The following GRIA3 variants were observed in gnomAD, a reference collection of about 807,000 sequenced individuals.
GRIA3 encodes the protein glutamate receptor 3.
In GRIA3, 3 loss-of-function variants were observed where a neutral mutation model predicts 63.0. The observed-to-expected ratio is 0.05, with a 90% confidence interval of 0.02 to 0.12. The LOEUF is 0.12. Among genes scored for constraint, GRIA3 ranks in the 10% least tolerant of loss-of-function variants. The probability of loss-of-function intolerance (pLI) is 1.00; values close to 1 mark genes in which losing one functional copy is unlikely to be tolerated. For synonymous variants in GRIA3, 274 were observed against 257.9 expected, an observed-to-expected ratio of 1.06 and a Z score of -0.60; for missense variants, 347 against 700.9, an observed-to-expected ratio of 0.50 and a Z score of 5.70.
chrX:123,215,353 C>T (rs1386044177), intron 2 of GRIA3, among the ~76,000 whole-genome samples: 1 of 111,921 alleles, frequency 8.9e-6, no homozygotes, highest in Non-Finnish European at 1.9e-5. Flanking sequence ...TTATCTCTAC[C>T]TCAGGGAGCC....
At chrX:123,325,163 A>G (rs1418890387) in intron 3 of GRIA3, among the ~76,000 whole-genome samples, 1 of 112,211 alleles carries the variant, frequency 8.9e-6, no homozygotes, top group Non-Finnish European at 1.9e-5. Context: ...TATAGACACA[A>G]TGTAATATTA....
intron 12 of GRIA3, among the ~76,000 whole-genome samples, chrX:123,429,680 C>A (rs1158719273): frequency 3.6e-5 from 4 of 111,229 alleles, no homozygotes; most frequent in Non-Finnish European, 5.6e-5. Context: ...CTTATGATAA[C>A]CATCCCAATA....
intron 3 of GRIA3, among the ~76,000 whole-genome samples, chrX:123,298,730 G>A (rs1442762418): frequency 1.8e-5 from 2 of 111,427 alleles, no homozygotes; most frequent in Non-Finnish European, 3.8e-5. Flanking sequence ...AAGCTCTTTA[G>A]TTTAATTAGA....
chrX:123,338,717 AT>A, intron 4 of GRIA3, among the ~76,000 whole-genome samples: 1 of 110,278 alleles, frequency 9.1e-6, no homozygotes, highest in African/African-American at 3.3e-5. Flanking sequence ...CGCCGGGCTA[AT>A]TTTTTGTATT....
chrX:123,231,033 T>C (rs1478521042), intron 2 of GRIA3, among the ~76,000 whole-genome samples: 1 of 112,145 alleles, frequency 8.9e-6, no homozygotes, highest in Non-Finnish European at 1.9e-5. Context: ...AATTCTGCAG[T>C]GAGCAAATTG....
At position 123,417,268 on chromosome X, in the gene GRIA3, G is replaced by A. The variant is rs1379899978; in HGVS notation, c.1501-134G>A. 4 of 537,797 alleles carry A rather than the reference G, an allele frequency of 7.4e-6. No individual in the cohort carries two copies. In the African/African-American group the frequency reaches 9.3e-5, roughly 13 times the overall value. The allele number at this position is 537,797 out of a possible 1,213,427, so 44.3% of individuals were successfully genotyped here. ...GAATGCTACCACTTTTCTAACCTAAGCATTGATAATTCAATTGGTTGTAAA... is the reference window on the plus strand; with the variant it reads ...GAATGCTACCACTTTTCTAACCTAAACATTGATAATTCAATTGGTTGTAAA... On this transcript the variant is annotated intron_variant, in intron 10 of 15. Transcript: ENST00000620443.
At chrX:123,249,145 C>T (rs1388162267) in intron 2 of GRIA3, among the ~76,000 whole-genome samples, 2 of 111,905 alleles carry the variant, frequency 1.8e-5, no homozygotes, top group Admixed American at 9.4e-5. Context: ...TCTTGTGTGA[C>T]CTTGTGTAAG....
intron 5 of GRIA3, among the ~76,000 whole-genome samples, chrX:123,390,120 C>T (rs1160598635): frequency 1.8e-5 from 2 of 111,900 alleles, no homozygotes; most frequent in Non-Finnish European, 3.8e-5. Context: ...TTTGCATATA[C>T]TTTGCTTCTT....
intron 3 of GRIA3, among the ~76,000 whole-genome samples, chrX:123,314,466 ATTTT>A (rs755180120): frequency 9.0e-6 from 1 of 111,066 alleles, no homozygotes. Flanking sequence ...TGTTATTTTT[ATTTT>A]TTTTATTTTT....
At chrX:123,451,010 G>A (rs2045727103) in intron 12 of GRIA3, among the ~76,000 whole-genome samples, 1 of 112,220 alleles carries the variant, frequency 8.9e-6, no homozygotes, top group African/African-American at 3.2e-5. Flanking sequence ...TGAAGTAAGT[G>A]AGGGAAAGAG....
At chrX:123,223,945 G>A (rs1335662979) in intron 2 of GRIA3, among the ~76,000 whole-genome samples, 1 of 111,640 alleles carries the variant, frequency 9.0e-6, no homozygotes, top group Admixed American at 9.5e-5. Context: ...CCAAATGTGT[G>A]GGAAGAGTAA....
intron 12 of GRIA3, among the ~76,000 whole-genome samples, chrX:123,445,425 A>G (rs1325666593): frequency 9.0e-6 from 1 of 111,730 alleles, no homozygotes; most frequent in African/African-American, 3.3e-5. Context: ...GCCCCTTGAC[A>G]CTTTGGAGAT....
intron 5 of GRIA3, among the ~76,000 whole-genome samples, chrX:123,370,372 C>T (rs1017203864): frequency 8.9e-6 from 1 of 111,843 alleles, no homozygotes; most frequent in Admixed American, 9.5e-5. Flanking sequence ...ACTGTATTTA[C>T]TCATGTCAGC....
chrX:123,392,369 G>A (rs1203439398), intron 5 of GRIA3, among the ~76,000 whole-genome samples: 2 of 111,495 alleles, frequency 1.8e-5, no homozygotes, highest in African/African-American at 3.3e-5. Flanking sequence ...GAAATGCAGG[G>A]GCTGTTGGGC....
At position 123,255,890 on chromosome X, in the gene GRIA3, C is replaced by A. The variant is rs190873435; in HGVS notation, c.508+2348C>A. ...TACATTACTGTACTAGGATCCTGTTCCAAAATTTTCAATGGCTTTCTATTG... is the reference window on the plus strand; with the variant it reads ...TACATTACTGTACTAGGATCCTGTTACAAAATTTTCAATGGCTTTCTATTG... On this transcript the variant is annotated intron_variant, in intron 3 of 15. Coordinates refer to ENST00000620443, the MANE Select transcript of GRIA3 (RefSeq NM_007325.5). 6.9e-4 allele frequency among the ~76,000 whole-genome samples: 77 copies of A among 110,906 alleles called. No homozygotes were observed. In the East Asian group the frequency reaches 0.021, roughly 30 times the overall value.
At chrX:123,278,070 C>T (rs2044565439) in intron 3 of GRIA3, among the ~76,000 whole-genome samples, 1 of 112,037 alleles carries the variant, frequency 8.9e-6, no homozygotes, top group African/African-American at 3.2e-5. Context: ...GCTTCATAAG[C>T]AGTCAACGTT....
intron 10 of GRIA3, among the ~76,000 whole-genome samples, chrX:123,406,599 A>T (rs1386643557): frequency 8.9e-6 from 1 of 111,732 alleles, no homozygotes; most frequent in Non-Finnish European, 1.9e-5. Context: ...CCAGATATAA[A>T]AACTGGAGCA....
At chrX:123,306,958 C>T (rs1356413195) in intron 3 of GRIA3, among the ~76,000 whole-genome samples, 1 of 111,735 alleles carries the variant, frequency 8.9e-6, no homozygotes, top group East Asian at 2.8e-4. Flanking sequence ...TATCTAATGC[C>T]GAAAGCTTGC....
At chrX:123,413,279 CCTT>C (rs1034107918) in intron 10 of GRIA3, among the ~76,000 whole-genome samples, 2 of 110,242 alleles carry the variant, frequency 1.8e-5, no homozygotes, top group African/African-American at 6.6e-5. Flanking sequence ...CATGTGAATG[CCTT>C]CTTATTTCTT....
Sources: allele counts gnomAD v4.1 joint callset (sites outside exome capture counted in the v4.1 genomes callset), GRCh38; gene constraint gnomAD v4.1.1; transcripts MANE v1.5; gene names NCBI Gene and HGNC (gene_info 2026-07-23, HGNC 2026-07-21).